EFNA2: variants seen among roughly 807,000 people sequenced by gnomAD.
EFNA2 encodes ephrin A2.
In EFNA2, 18 loss-of-function variants were observed where a neutral mutation model predicts 19.7. The ratio of observed to expected loss-of-function variants is 0.91; its 90% confidence interval spans 0.63 to 1.35. The LOEUF is 1.35. Among genes scored for constraint, EFNA2 ranks in the 40% most tolerant of loss-of-function variants. EFNA2 has a pLI of 0.00. For missense variants in EFNA2, 303 were observed against 296.0 expected, an observed-to-expected ratio of 1.02 and a Z score of -0.17; for synonymous variants, 187 against 137.8, an observed-to-expected ratio of 1.36 and a Z score of -2.50.
In EFNA2 at chr19:1,287,386, C is replaced by T. The variant is rs1163486776; in HGVS notation, c.140+1078C>T. On this transcript the variant is annotated intron_variant, in intron 1 of 3. Transcript: ENST00000215368. This position sits in a 1 kb window ranked among gnomAD's most constrained non-coding sequence, Gnocchi z 6.2. ...CACATCGGGGGCTGAGGCGGCCCCC[C>T]CCCACTCTTCTGCTACTGGTCACTT... 1.3e-5 allele frequency among the ~76,000 whole-genome samples: 2 copies of T among 152,140 alleles called. No individual in the cohort carries two copies. Among genetic ancestry groups the T allele is most frequent in the East Asian group, 3.9e-4 (2 of 5,190 alleles).
chr19:1,293,197 C>T (rs1175821368), intron 1 of EFNA2, among the ~76,000 whole-genome samples: 2 of 152,214 alleles, frequency 1.3e-5, no homozygotes, highest in Non-Finnish European at 2.9e-5. Context: ...TGTGGGCAGT[C>T]CCAGGCGGGA....
intron 1 of EFNA2, among the ~76,000 whole-genome samples, chr19:1,288,154 G>A (rs2144612186): frequency 6.6e-6 from 1 of 152,364 alleles, no homozygotes; most frequent in African/African-American, 2.4e-5. Flanking sequence ...GGGTTGCTGG[G>A]GACGGAGCCG....
chr19:1,291,834 G>A (rs1356647071), intron 1 of EFNA2, among the ~76,000 whole-genome samples: 2 of 152,146 alleles, frequency 1.3e-5, no homozygotes, highest in African/African-American at 4.8e-5. Flanking sequence ...ACAGCCAGGA[G>A]GCCCGGGTGG....
At chr19:1,290,013 G>A (rs986730448) in intron 1 of EFNA2, among the ~76,000 whole-genome samples, 4 of 151,984 alleles carry the variant, frequency 2.6e-5, no homozygotes, top group Admixed American at 6.5e-5. Context: ...GGAGGCCGTG[G>A]GGTACCTGGA....
At position 1,291,443 on chromosome 19, in the gene EFNA2, G is replaced by A. The variant is rs562802027; in HGVS notation, c.141-4102G>A. ...CTCAGTCAGGGGGGACATCTCTTCC[G>A]TCCCTGGAAAAGCCAGGTGTGGGTG... On this transcript the variant is annotated intron_variant, in intron 1 of 3. Coordinates refer to ENST00000215368, the MANE Select transcript of EFNA2 (RefSeq NM_001405.4). 2.2e-4 allele frequency among the ~76,000 whole-genome samples: 34 copies of A among 152,304 alleles called. 1 individual carries two copies. The highest frequency in any genetic ancestry group is 1.2e-3 in the Admixed American group (19 of 15,306).
rs568531664 is a variant in EFNA2 at position 1,295,413 on chromosome 19, C to T, written c.141-132C>T. On this transcript the variant is annotated intron_variant, in intron 1 of 3. Transcript: ENST00000215368. This position sits in a 1 kb window ranked among gnomAD's most constrained non-coding sequence, Gnocchi z 5.8. The stretch of plus-strand genomic sequence containing the variant: ...CCTGACCCGTCCCCCGTGCTCCTGA[C>T]CCCGGCCCTCGCCGCGCACCCCGAC... 667 of 946,670 alleles carry T rather than the reference C, an allele frequency of 7.0e-4. 2 individuals carry two copies. The highest frequency in any genetic ancestry group is 6.6e-4 in the Non-Finnish European group (438 of 668,316). 58.6% of individuals were successfully genotyped at this position (946,670 alleles called of 1,614,324 possible).
rs1034017384 is a variant in EFNA2, at chr19:1,297,100, C to T, written c.454+1242C>T. Among the ~76,000 whole-genome samples, 1 of 152,156 alleles carries T rather than the reference C, an allele frequency of 6.6e-6. No homozygotes were observed. The highest frequency in any genetic ancestry group is 1.5e-5 in the Non-Finnish European group (1 of 68,024). ...ATCACACTCGTGGCTTCCGCCGTGGCGCTGAGACTGAGGGATTCTCGTGGA... is the reference window on the plus strand; with the variant it reads ...ATCACACTCGTGGCTTCCGCCGTGGTGCTGAGACTGAGGGATTCTCGTGGA... On this transcript the variant is annotated intron_variant, in intron 2 of 3. Coordinates refer to ENST00000215368, the MANE Select transcript of EFNA2 (RefSeq NM_001405.4). The surrounding 1 kb of genome is among the most constrained non-coding windows in gnomAD (Gnocchi z 5.0).
chr19:1,290,508 C>T (rs575360502), intron 1 of EFNA2, among the ~76,000 whole-genome samples: 50 of 152,288 alleles, frequency 3.3e-4, no homozygotes, highest in South Asian at 6.2e-4. Context: ...ACGTGGGTCC[C>T]TCGGGGTCAC....
At chr19:1,299,719 G>A (rs2081531435) in intron 3 of EFNA2, 105 bp from the exon 4 acceptor site, 3 of 1,427,408 alleles carry the variant, frequency 2.1e-6, no homozygotes, top group Non-Finnish European at 2.8e-6. Flanking sequence ...TGCCTGGTGG[G>A]GTGATGAGCC....
In EFNA2 at chr19:1,294,162, C is replaced by T. The variant is rs2081503704; in HGVS notation, c.141-1383C>T. On this transcript the variant is annotated intron_variant, in intron 1 of 3. Coordinates refer to ENST00000215368, the MANE Select transcript of EFNA2 (RefSeq NM_001405.4). The surrounding 1 kb of genome is among the most constrained non-coding windows in gnomAD (Gnocchi z 5.8). The stretch of plus-strand genomic sequence containing the variant: ...AGGAGGCAGGAGCGGTGTGGGGGAC[C>T]CCCCATTCCTCCCTGTTCAGGTCTT... 2.6e-5 allele frequency among the ~76,000 whole-genome samples: 4 copies of T among 152,212 alleles called. No individual in the cohort carries two copies. The South Asian group carries it at 6.2e-4, about 24-fold the overall frequency.
chr19:1,291,212 C>A (rs1239128826), intron 1 of EFNA2, among the ~76,000 whole-genome samples: 1 of 152,176 alleles, frequency 6.6e-6, no homozygotes, highest in African/African-American at 2.4e-5. Context: ...GCCACCCACG[C>A]CCACGGTGAC....
Position 1,286,264 on chromosome 19 carries a change from C to A in EFNA2, c.96C>A (p.Ala32=). 8.9e-7 allele frequency: 1 copy of A among 1,120,406 alleles called. No individual in the cohort carries two copies. The highest frequency in any genetic ancestry group is 3.9e-5 in the Admixed American group (1 of 25,570). 69.4% of individuals were successfully genotyped at this position (1,120,406 alleles called of 1,614,324 possible). The change falls in exon 1 of 4, where the codon GCC becomes GCA. Residue 32 remains alanine, a synonymous_variant. Transcript: ENST00000215368. The surrounding 1 kb of genome is among the most constrained non-coding windows in gnomAD (Gnocchi z 5.6). ...CGCGCGCCGAGGACGCCGCCCGCGC[C>A]AACTCGGACCGCTACGCCGTCTACT... ...PFARAEDAAR[A]NSDRYAVYWN...
At chr19:1,292,119 C>T (rs2081494273) in intron 1 of EFNA2, among the ~76,000 whole-genome samples, 1 of 152,258 alleles carries the variant, frequency 6.6e-6, no homozygotes, top group Non-Finnish European at 1.5e-5. Flanking sequence ...AAGGCTTTGT[C>T]TGCCTCTCCC....
intron 1 of EFNA2, among the ~76,000 whole-genome samples, chr19:1,293,656 T>G (rs866434400): frequency 6.6e-6 from 1 of 152,198 alleles, no homozygotes; most frequent in South Asian, 2.1e-4. Context: ...ATGTCCCCTG[T>G]GCTGGGCTCA....
At chr19:1,285,207 T>C (rs769449728), upstream of EFNA2, among the ~76,000 whole-genome samples, 1 of 152,228 alleles carries the variant, frequency 6.6e-6, no homozygotes, top group South Asian at 2.1e-4. The surrounding 1 kb of genome is among the most constrained non-coding windows in gnomAD (Gnocchi z 4.1). Flanking sequence ...GCACAAGCTG[T>C]GCCCCCGGGC....
In EFNA2 at chr19:1,298,566, A is replaced by G. The variant is rs780839033; in HGVS notation, c.470A>G (p.Asn157Ser). 33 of 1,613,834 alleles carry G rather than the reference A, an allele frequency of 2.0e-5. No individual in the cohort carries two copies. In the Admixed American group the frequency reaches 2.2e-4, roughly 11 times the overall value. The part of the protein sequence containing the change: ...EYYYISATPP[N>S]AVDRPCLRLK... ...TCTCTTCTAGCTGCCACGCCTCCCA[A>G]TGCTGTGGACCGGCCCTGCCTGCGA... Residue 157 changes from asparagine (N) to serine (S), a missense_variant, in exon 3 of 4, where the codon AAT (asparagine) becomes AGT (serine). By Grantham distance (46) the Asn-to-Ser change is conservative (BLOSUM62 1). Coordinates refer to ENST00000215368, the MANE Select transcript of EFNA2 (RefSeq NM_001405.4).
At chr19:1,284,331 C>G (rs1027067910), upstream of EFNA2, among the ~76,000 whole-genome samples, 2 of 152,220 alleles carry the variant, frequency 1.3e-5, no homozygotes, top group Admixed American at 1.3e-4. This position sits in a 1 kb window ranked among gnomAD's most constrained non-coding sequence, Gnocchi z 5.3. Flanking sequence ...TGAAGAGACA[C>G]CCGGCCAGCC....
In EFNA2 at chr19:1,300,957, GT is replaced by G. The variant is rs1232463327; in HGVS notation, c.*1013del. 6.7e-6 allele frequency among the ~76,000 whole-genome samples: 1 copy of G among 149,914 alleles called. No individual in the cohort carries two copies. Among genetic ancestry groups the G allele is most frequent in the East Asian group, 1.9e-4 (1 of 5,172 alleles). ...ATGTTTTTTCAGCCCTTCATAGGGG[GT>G]CTTTTATTTTGGTGGGGGGGTGGGG... On this transcript the variant is annotated 3_prime_UTR_variant, in exon 4 of 4. Transcript: ENST00000215368.
At position 1,295,770 on chromosome 19, in the gene EFNA2, G is replaced by A. The variant is rs371700314; in HGVS notation, c.366G>A (p.Gly122=). The change falls in exon 2 of 4, where the codon GGG becomes GGA. Residue 122 remains glycine, a synonymous_variant. Transcript: ENST00000215368. The surrounding 1 kb of genome is among the most constrained non-coding windows in gnomAD (Gnocchi z 5.8). ...GCAACCGGCCCGCGGCGCCCGGGGG[G>A]CCGCTCAAGTTCTCGGAGAAGTTCC... ...WECNRPAAPG[G]PLKFSEKFQL... is the part of the protein sequence containing the mutation. 4.6e-4 allele frequency: 742 copies of A among 1,605,318 alleles called. No homozygotes were observed. The highest frequency in any genetic ancestry group is 5.7e-4 in the Non-Finnish European group (672 of 1,177,292).
Sources: allele counts gnomAD v4.1 joint callset (sites outside exome capture counted in the v4.1 genomes callset), GRCh38; gene constraint gnomAD v4.1.1; non-coding constraint Gnocchi (gnomAD v3.1); transcripts MANE v1.5; gene names NCBI Gene and HGNC (gene_info 2026-07-23, HGNC 2026-07-21).